DOCK10: variants seen among roughly 807,000 people sequenced by gnomAD.
The protein encoded by DOCK10 is dedicator of cytokinesis protein 10.
A neutral mutation model predicts 280.1 loss-of-function variants in DOCK10; 145 were observed. The observed-to-expected ratio is 0.52, with a 90% confidence interval of 0.45 to 0.59. The LOEUF (loss-of-function observed/expected upper bound fraction) is 0.59, where lower values mean the gene tolerates loss of function less well. Among genes scored for constraint, DOCK10 ranks in the 20% least tolerant of loss-of-function variants. DOCK10 has a pLI of 0.00. For synonymous variants in DOCK10, 915 were observed against 942.2 expected, an observed-to-expected ratio of 0.97 and a Z score of 0.53; for missense variants, 2,368 against 2,651.7, an observed-to-expected ratio of 0.89 and a Z score of 2.35.
rs746885138 is a variant in DOCK10, at chr2:224,775,065, A to G, written c.5853T>C (p.Tyr1951=). The change falls in exon 52 of 56, where the codon TAT becomes TAC. Residue 1951 remains tyrosine (Y), a synonymous_variant. Transcript: ENST00000258390. ...CCTTTTCCTCAAAGAACGGCGTCAC[A>G]TAGGTCACCTGGATGTAGGCATATT... ...DPKYAYIQVT[Y]VTPFFEEKEI... 2.4e-5 allele frequency: 39 copies of G among 1,613,940 alleles called. No homozygotes were observed. Among genetic ancestry groups the G allele is most frequent in the African/African-American group, 4.0e-5 (3 of 74,952 alleles).
chr2:224,960,237 A>C (rs540429443), intron 1 of DOCK10, among the ~76,000 whole-genome samples: 5 of 152,276 alleles, frequency 3.3e-5, no homozygotes, highest in Non-Finnish European at 5.9e-5. Context: ...GTGCTTACTG[A>C]GGCCTCTTGC....
intron 19 of DOCK10, among the ~76,000 whole-genome samples, chr2:224,849,078 C>T (rs1696555131): frequency 2.6e-5 from 4 of 152,206 alleles, no homozygotes; most frequent in South Asian, 2.1e-4. Flanking sequence ...CTGGTTCAAG[C>T]GAGTCTCCTG....
intron 4 of DOCK10, among the ~76,000 whole-genome samples, chr2:224,886,886 A>ACCCCCCCCC (rs879598680): frequency 3.9e-4 from 53 of 135,228 alleles, no homozygotes; most frequent in African/African-American, 1.5e-3. Flanking sequence ...AGCACCCCCA[A>ACCCCCCCCC]CACCCCCCCA....
chr2:225,023,917 C>T (rs1689850418), intron 1 of DOCK10, among the ~76,000 whole-genome samples: 1 of 152,162 alleles, frequency 6.6e-6, no homozygotes, highest in Non-Finnish European at 1.5e-5. Flanking sequence ...AGAAGGGAAC[C>T]TAGTAACTTT....
At chr2:225,013,882 CAGAG>C (rs1689512172) in intron 1 of DOCK10, among the ~76,000 whole-genome samples, 1 of 151,818 alleles carries the variant, frequency 6.6e-6, no homozygotes, top group Non-Finnish European at 1.5e-5. Flanking sequence ...GTGTGAGTGA[CAGAG>C]AGAGAAGGAG....
chr2:224,796,008 A>G (rs770769587), intron 44 of DOCK10, among the ~76,000 whole-genome samples: 9 of 149,234 alleles, frequency 6.0e-5, no homozygotes, highest in Non-Finnish European at 1.2e-4. Context: ...TACTTTGAGG[A>G]GTGCTCAAAG....
intron 1 of DOCK10, among the ~76,000 whole-genome samples, chr2:224,999,941 G>C (rs1256367146): frequency 6.6e-6 from 1 of 152,162 alleles, no homozygotes; most frequent in Non-Finnish European, 1.5e-5. Context: ...GGTGCAACAG[G>C]ATCTCTCTGA....
intron 1 of DOCK10, among the ~76,000 whole-genome samples, chr2:224,976,713 T>A (rs528036914): frequency 4.8e-4 from 72 of 150,400 alleles, no homozygotes; most frequent in African/African-American, 1.7e-3. Context: ...TCCTTTGTGG[T>A]TGAGGCCACG....
chr2:224,846,198 T>A (rs1696339300), intron 19 of DOCK10, among the ~76,000 whole-genome samples: 2 of 152,232 alleles, frequency 1.3e-5, no homozygotes, highest in South Asian at 4.1e-4. Context: ...CATTAGATAA[T>A]TCATGCTACT....
intron 34 of DOCK10, 56 bp downstream of exon 34, chr2:224,806,070 A>G (rs202159811): frequency 6.8e-6 from 7 of 1,021,908 alleles, no homozygotes; most frequent in South Asian, 1.5e-5. Context: ...ACAATGATAT[A>G]CAATGTAAAG....
chr2:224,860,070 A>C (rs531874505), intron 14 of DOCK10, among the ~76,000 whole-genome samples: 10 of 152,348 alleles, frequency 6.6e-5, no homozygotes, highest in Admixed American at 2.6e-4. Flanking sequence ...CCTAACCTAC[A>C]ACCAGACCAC....
intron 1 of DOCK10, among the ~76,000 whole-genome samples, chr2:224,984,126 A>T (rs1431749616): frequency 6.6e-6 from 1 of 150,470 alleles, no homozygotes; most frequent in Non-Finnish European, 1.5e-5. Context: ...CCCCCAGGAC[A>T]TATCTCTCTC....
intron 2 of DOCK10, 134 bp downstream of exon 2, chr2:224,931,415 T>G: frequency 2.0e-6 from 2 of 1,012,394 alleles, no homozygotes; most frequent in Non-Finnish European, 2.7e-6. Flanking sequence ...TTATAGGATG[T>G]GAACTCCTGC....
At chr2:224,776,118 C>G (rs1690844577) in intron 51 of DOCK10, among the ~76,000 whole-genome samples, 1 of 152,000 alleles carries the variant, frequency 6.6e-6, no homozygotes, top group African/African-American at 2.4e-5. Context: ...CTTGCTCTCC[C>G]TTGGAGTTGG....
chr2:224,868,888 A>G (rs907033228), intron 11 of DOCK10, among the ~76,000 whole-genome samples: 1 of 152,174 alleles, frequency 6.6e-6, no homozygotes, highest in Non-Finnish European at 1.5e-5. Flanking sequence ...TTGAAGGTCA[A>G]AGCAAAACCC....
chr2:224,961,434 C>CTTTCTTTCTTTCTTTCTTTCTTTCT (rs1559873610), intron 1 of DOCK10, among the ~76,000 whole-genome samples: 2 of 126,890 alleles, frequency 1.6e-5, no homozygotes, highest in African/African-American at 5.7e-5. Context: ...TTCTTTCTTT[C>CTTTCTTTCTTTCTTTCTTTCTTTCT]TTTCTTTCTT....
intron 1 of DOCK10, among the ~76,000 whole-genome samples, chr2:224,983,976 T>C (rs1705883650): frequency 6.6e-6 from 1 of 152,154 alleles, no homozygotes; most frequent in Non-Finnish European, 1.5e-5. Flanking sequence ...CTTGTGTGTA[T>C]TGAATATCTA....
At chr2:224,975,806 AAAG>A (rs1705401575) in intron 1 of DOCK10, among the ~76,000 whole-genome samples, 1 of 152,210 alleles carries the variant, frequency 6.6e-6, no homozygotes, top group South Asian at 2.1e-4. Context: ...CTTGAGCAGG[AAAG>A]AAGAATTATT....
At chr2:224,958,438 T>G (rs1255342446) in intron 1 of DOCK10, among the ~76,000 whole-genome samples, 6 of 152,140 alleles carry the variant, frequency 3.9e-5, no homozygotes. Context: ...ACCCCTTGGT[T>G]TGGATAAGGA....
Sources: allele counts gnomAD v4.1 joint callset (sites outside exome capture counted in the v4.1 genomes callset), GRCh38; gene constraint gnomAD v4.1.1; transcripts MANE v1.5; gene names NCBI Gene and HGNC (gene_info 2026-07-23, HGNC 2026-07-21).